The following LAMB1 variants were observed in gnomAD, a reference collection of about 807,000 sequenced individuals.
LAMB1 encodes the protein laminin subunit beta 1.
In LAMB1, 121 loss-of-function variants were observed where a neutral mutation model predicts 222.3. That is an observed-to-expected ratio of 0.54 (90% CI 0.47 to 0.63). LAMB1 has a LOEUF of 0.63. Among genes scored for constraint, LAMB1 ranks in the 30% least tolerant of loss-of-function variants. The probability of loss-of-function intolerance (pLI) is 0.00; values close to 1 mark genes in which losing one functional copy is unlikely to be tolerated. For missense variants in LAMB1, 2,172 were observed against 2,240.8 expected (o/e 0.97, Z 0.62); for synonymous variants, 794 against 807.2 (o/e 0.98, Z 0.28).
intron 32 of LAMB1, among the ~76,000 whole-genome samples, chr7:107,925,735 CAAA>C (rs2032546656): frequency 6.6e-6 from 1 of 152,074 alleles, no homozygotes; most frequent in Non-Finnish European, 1.5e-5. Flanking sequence ...AAATGAGTCT[CAAA>C]GAGATAAGAT....
Position 107,959,807 on chromosome 7 carries a change from A to G in LAMB1, c.2342T>C (p.Leu781Ser). ...LACECDPQGS[L>S]SSVCDPNGGQ... is the part of the protein sequence containing the mutation. The stretch of plus-strand genomic sequence containing the variant: ...TCCGTTGGGATCACACACGGAACTT[A>G]ACGAACCCTGAGGGTCGCATTCACA... Residue 781 changes from leucine (L) to serine (S), a missense_variant, in exon 19 of 34, where the codon TTA (leucine) becomes TCA (serine). By Grantham distance (145) the Leu-to-Ser change is moderately radical. Transcript: ENST00000222399. 6.2e-7 allele frequency: 1 copy of G among 1,613,784 alleles called. No homozygotes were observed. The highest frequency in any genetic ancestry group is 8.5e-7 in the Non-Finnish European group (1 of 1,179,860).
In LAMB1 at chr7:107,934,100, AT is replaced by A. The variant is rs1318369208; in HGVS notation, c.4188+1314del. 2.6e-5 allele frequency among the ~76,000 whole-genome samples: 4 copies of A among 152,082 alleles called. No homozygotes were observed. The East Asian group carries it at 7.7e-4, about 29-fold the overall frequency. ...GTCTCCTGTTAGCTGCAATTTACAC[AT>A]TGCTCTAAGCCTTCATTTTTCTTTT... On this transcript the variant is annotated intron_variant, in intron 27 of 33. Transcript: ENST00000222399.
In LAMB1 at chr7:107,950,330, A is replaced by G. The variant is rs550604646; in HGVS notation, c.3391+896T>C. On this transcript the variant is annotated intron_variant, in intron 24 of 33. Coordinates refer to ENST00000222399, the MANE Select transcript of LAMB1 (RefSeq NM_002291.3). The stretch of plus-strand genomic sequence containing the variant: ...AAGAAACTACAGAAAATTTTTATCC[A>G]TAATGATCAATTAAAAACAGGGAAG... Among the ~76,000 whole-genome samples the G allele has an allele frequency of 9.8e-5, 15 of 152,360 alleles. No individual in the cohort carries two copies. The South Asian group carries it at 2.5e-3, about 25-fold the overall frequency.
chr7:107,979,689 TG>T lies in LAMB1; in HGVS notation c.879+919del, dbSNP rs150460497. Among the ~76,000 whole-genome samples the T allele has an allele frequency of 7.9e-3, 1,205 of 152,122 alleles. 24 individuals are homozygous for T. Among genetic ancestry groups the T allele is most frequent in the African/African-American group, 0.027 (1,136 of 41,502 alleles). On this transcript the variant is annotated intron_variant, in intron 8 of 33. Coordinates refer to ENST00000222399, the MANE Select transcript of LAMB1 (RefSeq NM_002291.3). ...ATAAGTTGCAAATGTGGCATAAAAGTGGGGAAAAGAATGGAATTAGGAGGAA... is the reference window on the plus strand; with the variant it reads ...ATAAGTTGCAAATGTGGCATAAAAGTGGGAAAAGAATGGAATTAGGAGGAA...
In LAMB1 at chr7:108,002,051, G is replaced by A. The variant is rs1479582469; in HGVS notation, c.38-318C>T. On this transcript the variant is annotated intron_variant, in intron 2 of 33. Coordinates refer to ENST00000222399, the MANE Select transcript of LAMB1 (RefSeq NM_002291.3). ...CCGGGGAGCAGCTCCCCCAACAAAGGGTGGATGTGTAGACCCTCCACTTCG... is the reference window on the plus strand; with the variant it reads ...CCGGGGAGCAGCTCCCCCAACAAAGAGTGGATGTGTAGACCCTCCACTTCG... The A allele has an allele frequency of 1.0e-5, 15 of 1,446,990 alleles. No individual in the cohort carries two copies. In the East Asian group the frequency reaches 2.8e-4, roughly 27 times the overall value. 89.6% of individuals were successfully genotyped at this position (1,446,990 alleles called of 1,614,324 possible).
intron 27 of LAMB1, among the ~76,000 whole-genome samples, chr7:107,934,090 C>A (rs1474272109): frequency 6.6e-6 from 1 of 152,136 alleles, no homozygotes. Flanking sequence ...CTGTTAGCTG[C>A]AATTTACACA....
chr7:107,951,165 T>G, intron 24 of LAMB1, 61 bp downstream of exon 24: 1 of 1,256,184 alleles, frequency 8.0e-7, no homozygotes, highest in African/African-American at 1.5e-5. Flanking sequence ...AGAAGGCTCT[T>G]GTAGAACCCC....
At chr7:107,982,889 C>G (rs1198460284) in intron 7 of LAMB1, among the ~76,000 whole-genome samples, 2 of 152,250 alleles carry the variant, frequency 1.3e-5, no homozygotes, top group South Asian at 4.2e-4. Flanking sequence ...AAAGATTCTC[C>G]GATGTCATTT....
At chr7:107,969,509 C>T (rs951831572) in intron 13 of LAMB1, among the ~76,000 whole-genome samples, 1 of 152,188 alleles carries the variant, frequency 6.6e-6, no homozygotes, top group Non-Finnish European at 1.5e-5. Flanking sequence ...CTCCCCACCC[C>T]CAACTAGGAC....
intron 27 of LAMB1, among the ~76,000 whole-genome samples, chr7:107,934,919 AAGC>A (rs2032803276): frequency 3.2e-5 from 3 of 94,576 alleles, no homozygotes; most frequent in African/African-American, 8.1e-5. Context: ...AAAAAAAAAA[AAGC>A]GGGGGTGGGG....
rs751784457 is a variant in LAMB1 at position 107,975,190 on chromosome 7, T to C, written c.1369+44A>G. The C allele has an allele frequency of 8.2e-6, 13 of 1,588,288 alleles. No individual in the cohort carries two copies. The African/African-American group carries it at 1.8e-4, about 21-fold the overall frequency. On this transcript the variant is annotated intron_variant, in intron 11 of 33. Transcript: ENST00000222399. ...GGAATTACAAAGTAAAATGGGAATT[T>C]CAAACACAAGAAAACTCCCAAACTT...
chr7:107,935,516 G>C lies in LAMB1; in HGVS notation c.4087C>G (p.Arg1363Gly). The C allele has an allele frequency of 5.6e-6, 9 of 1,613,762 alleles. No homozygotes were observed. The highest frequency in any genetic ancestry group is 7.6e-6 in the Non-Finnish European group (9 of 1,179,932). Residue 1363 changes from arginine to glycine, a missense_variant, in exon 27 of 34, where the codon CGA becomes GGA. Coordinates refer to ENST00000222399, the MANE Select transcript of LAMB1 (RefSeq NM_002291.3). Reference protein sequence around the residue: ...RDRVEDVMMERESQFKEKQEE... With the variant: ...RDRVEDVMMEGESQFKEKQEE... ...TGTTTTTCCTTGAACTGGGATTCTC[G>C]CTCCATCATCACGTCTTCTACTCTG...
chr7:107,931,219 G>C, intron 29 of LAMB1, 137 bp downstream of exon 29: 1 of 720,976 alleles, frequency 1.4e-6, no homozygotes, highest in African/African-American at 1.8e-5. Context: ...TTAAGAAGTG[G>C]AAACATTTAA....
intron 7 of LAMB1, among the ~76,000 whole-genome samples, chr7:107,985,446 G>GA (rs1299373605): frequency 6.6e-6 from 1 of 151,800 alleles, no homozygotes; most frequent in African/African-American, 2.4e-5. Context: ...CCAACATGGT[G>GA]AAAACCCGTC....
chr7:107,963,049 C>T lies in LAMB1; in HGVS notation c.1713G>A (p.Val571=). ...EANLGPGVSI[V]ERQYIQDRIP... is the part of the protein sequence containing the mutation. Reference sequence around the variant, plus strand: ...TCCGGTCCTGGATATATTGCCGCTCCACTATGCTAACCCCCTGAGGGCATG... The same window carrying T: ...TCCGGTCCTGGATATATTGCCGCTCTACTATGCTAACCCCCTGAGGGCATG... The change falls in exon 15 of 34, where the codon GTG becomes GTA. Residue 571 remains valine (V), a synonymous_variant. Transcript: ENST00000222399. 1 of 1,613,318 alleles carries T rather than the reference C, an allele frequency of 6.2e-7. No homozygotes were observed.
chr7:107,972,968 G>C (rs2033779131), intron 13 of LAMB1, 24 bp downstream of exon 13: 10 of 1,567,294 alleles, frequency 6.4e-6, no homozygotes, highest in Non-Finnish European at 8.8e-6. Context: ...CTGAGGACAA[G>C]AGCATACGTA....
chr7:107,961,500 T>C, intron 16 of LAMB1, 49 bp downstream of exon 16: 1 of 1,593,724 alleles, frequency 6.3e-7, no homozygotes, highest in Non-Finnish European at 8.6e-7. Flanking sequence ...AGAAAAATAC[T>C]AATTTGCATA....
intron 24 of LAMB1, among the ~76,000 whole-genome samples, chr7:107,949,090 AAAG>A (rs1336191844): frequency 1.3e-5 from 2 of 152,244 alleles, no homozygotes; most frequent in Admixed American, 1.3e-4. Flanking sequence ...TGAAAGGAAC[AAAG>A]AAGTTGGCGA....
rs1049349998 is a variant in LAMB1 at position 107,923,800 on chromosome 7, A to G, written c.*151T>C. ...GTGAAAGTAACAAGTACACCAAAAT[A>G]TATACAAAAGCACTGTACTTTATTT... On this transcript the variant is annotated 3_prime_UTR_variant, in exon 34 of 34. Transcript: ENST00000222399. The G allele has an allele frequency of 1.8e-5, 12 of 669,994 alleles. No homozygotes were observed. The highest frequency in any genetic ancestry group is 3.9e-5 in the African/African-American group (2 of 51,720). The allele number at this position is 669,994 out of a possible 1,614,324, so 41.5% of individuals were successfully genotyped here. A position where few individuals can be genotyped will look rare whatever the true frequency, so the allele number is the denominator to read the frequency against.
Sources: allele counts gnomAD v4.1 joint callset (sites outside exome capture counted in the v4.1 genomes callset), GRCh38; gene constraint gnomAD v4.1.1; transcripts MANE v1.5; gene names NCBI Gene and HGNC (gene_info 2026-07-23, HGNC 2026-07-21).